RSBN1L: variants seen among roughly 807,000 people sequenced by gnomAD.
The protein encoded by RSBN1L is lysine-specific demethylase RSBN1L.
Under a neutral mutation model 67.7 loss-of-function variants are expected in RSBN1L, and 30 were observed. That is an observed-to-expected ratio of 0.44 (90% CI 0.33 to 0.60). RSBN1L has a LOEUF of 0.60. RSBN1L is among the 20% of genes least tolerant of loss of function. The pLI, the probability that RSBN1L is intolerant of heterozygous loss-of-function variation, is 0.02. For synonymous variants in RSBN1L, 433 were observed against 387.0 expected (o/e 1.12, Z -1.39); for missense variants, 992 against 1,031.7 (o/e 0.96, Z 0.53).
chr7:77,715,226 T>A (rs1446221007), intron 1 of RSBN1L, among the ~76,000 whole-genome samples: 1 of 152,136 alleles, frequency 6.6e-6, no homozygotes, highest in East Asian at 1.9e-4. Flanking sequence ...TAGCTGAGAT[T>A]GCACCACTGC....
chr7:77,745,438 AAATT>A (rs1791469627), intron 2 of RSBN1L, among the ~76,000 whole-genome samples: 1 of 152,250 alleles, frequency 6.6e-6, no homozygotes, highest in South Asian at 2.1e-4. Flanking sequence ...ATTTCACTCT[AAATT>A]AATATAAAGG....
intron 1 of RSBN1L, among the ~76,000 whole-genome samples, chr7:77,704,599 A>G (rs530804389): frequency 6.6e-6 from 1 of 152,166 alleles, no homozygotes; most frequent in Non-Finnish European, 1.5e-5. Flanking sequence ...AGCATTTTAA[A>G]GCATATTCCA....
intron 1 of RSBN1L, among the ~76,000 whole-genome samples, chr7:77,715,391 T>G (rs1173245584): frequency 6.6e-6 from 1 of 152,048 alleles, no homozygotes; most frequent in Admixed American, 6.6e-5. Context: ...AGTGTAGTGG[T>G]GTGATCTCGG....
At chr7:77,755,448 T>G (rs894168251) in intron 3 of RSBN1L, among the ~76,000 whole-genome samples, 1 of 152,156 alleles carries the variant, frequency 6.6e-6, no homozygotes, top group African/African-American at 2.4e-5. Context: ...TCGGATCACC[T>G]GAGGTCAGGA....
intron 5 of RSBN1L, among the ~76,000 whole-genome samples, chr7:77,769,094 A>G (rs1038840468): frequency 3.3e-5 from 5 of 152,234 alleles, no homozygotes; most frequent in Non-Finnish European, 7.3e-5. Context: ...TAAGAAGACT[A>G]AAATGTTTTG....
Position 77,736,432 on chromosome 7 carries a change from A to C in RSBN1L, c.609A>C (p.Lys203Asn). 1 of 1,096,144 alleles carries C rather than the reference A, an allele frequency of 9.1e-7. No homozygotes were observed. The highest frequency in any genetic ancestry group is 1.3e-6 in the Non-Finnish European group (1 of 783,140). The allele number at this position is 1,096,144 out of a possible 1,614,324, so 67.9% of individuals were successfully genotyped here. The stretch of plus-strand genomic sequence containing the variant: ...CAGATAAAATCAAAGACAAAATTAA[A>C]GAGAGAGACAAAGAAAAAGAAAGAG... ...LPRDKIKDKI[K>N]ERDKEKEREK... is the part of the protein sequence containing the mutation. The change falls in exon 2 of 8, where the codon AAA becomes AAC. Residue 203 changes from lysine to asparagine, a missense_variant. Physicochemically the swap from Lys to Asn is moderately conservative, Grantham distance 94. Coordinates refer to ENST00000334955, the MANE Select transcript of RSBN1L (RefSeq NM_198467.3).
intron 2 of RSBN1L, among the ~76,000 whole-genome samples, chr7:77,739,739 CTTTTTTTTTTTT>C (rs1173154183): frequency 4.9e-4 from 21 of 42,690 alleles, no homozygotes; most frequent in Admixed American, 1.9e-3. Flanking sequence ...AAAAATGTGT[CTTTTTTTTTTTT>C]TTTTTTTTTT....
intron 1 of RSBN1L, among the ~76,000 whole-genome samples, chr7:77,719,176 G>A (rs928383983): frequency 6.6e-6 from 1 of 152,118 alleles, no homozygotes; most frequent in Non-Finnish European, 1.5e-5. Flanking sequence ...TGTGTGTTTT[G>A]GAAAATTTCA....
At chr7:77,750,929 A>G (rs1562804945) in intron 3 of RSBN1L, among the ~76,000 whole-genome samples, 2 of 152,190 alleles carry the variant, frequency 1.3e-5, no homozygotes, top group Non-Finnish European at 2.9e-5. Flanking sequence ...ATTGTTTAAC[A>G]TTGTCAGCAG....
At chr7:77,722,871 A>G (rs1791138071) in intron 1 of RSBN1L, among the ~76,000 whole-genome samples, 1 of 152,034 alleles carries the variant, frequency 6.6e-6, no homozygotes, top group South Asian at 2.1e-4. Context: ...AGGGCAGGCA[A>G]AACTGTGATG....
rs1790724419 is a variant in RSBN1L at position 77,696,479 on chromosome 7, C to T, written c.10C>T (p.Pro4Ser). 1.2e-6 allele frequency: 2 copies of T among 1,606,160 alleles called. No homozygotes were observed. Among genetic ancestry groups the T allele is most frequent in the Non-Finnish European group, 1.7e-6 (2 of 1,175,726 alleles). ...ACAACAGGAGCGCAAAATGGCGGAACCGCCGAGCCCCGTGCACTGTGTCGC... is the reference window on the plus strand; with the variant it reads ...ACAACAGGAGCGCAAAATGGCGGAATCGCCGAGCCCCGTGCACTGTGTCGC... Reference protein sequence around the residue: MAEPPSPVHCVAAA... With the variant: MAESPSPVHCVAAA... The change falls in exon 1 of 8, where the codon CCG becomes TCG. Residue 4 changes from proline to serine, a missense_variant. Physicochemically the swap from Pro to Ser is moderately conservative, Grantham distance 74. This residue lies in a region of RSBN1L where 575 missense variants were observed against 483.2 expected (regional missense o/e 1.19). Coordinates refer to ENST00000334955, the MANE Select transcript of RSBN1L (RefSeq NM_198467.3).
At chr7:77,739,844 G>A (rs756974720) in intron 2 of RSBN1L, among the ~76,000 whole-genome samples, 4 of 131,414 alleles carry the variant, frequency 3.0e-5, no homozygotes, top group Admixed American at 8.7e-5. Flanking sequence ...CTGCCTCCTG[G>A]GTTCAAGCAG....
At chr7:77,714,219 A>G (rs1466580736) in intron 1 of RSBN1L, among the ~76,000 whole-genome samples, 1 of 152,228 alleles carries the variant, frequency 6.6e-6, no homozygotes, top group Non-Finnish European at 1.5e-5. Context: ...GCTTTTTGAA[A>G]CATTATTGAA....
chr7:77,762,381 G>A (rs781152431), intron 3 of RSBN1L, among the ~76,000 whole-genome samples: 5 of 151,908 alleles, frequency 3.3e-5, no homozygotes, highest in Non-Finnish European at 7.4e-5. Context: ...GGGAAAAATC[G>A]GTTTTTGATT....
At chr7:77,697,436 C>G (rs1365936167) in intron 1 of RSBN1L, 1 of 179,544 alleles carries the variant, frequency 5.6e-6, no homozygotes, top group Non-Finnish European at 1.2e-5. Context: ...TGTTAGACCA[C>G]TTAGACGTGG....
chr7:77,776,069 G>A (rs1005141105), intron 6 of RSBN1L, among the ~76,000 whole-genome samples: 2 of 151,142 alleles, frequency 1.3e-5, no homozygotes, highest in African/African-American at 4.9e-5. Context: ...AAAAAAAAGT[G>A]TATTTTGCTG....
chr7:77,753,761 T>C lies in RSBN1L; in HGVS notation c.1344+3697T>C, dbSNP rs144306681. On this transcript the variant is annotated intron_variant, in intron 3 of 7. Coordinates refer to ENST00000334955, the MANE Select transcript of RSBN1L (RefSeq NM_198467.3). ...GTTTTACCTTTCATGGTTAAATCTA[T>C]AGTTAATAAAACAGCAGCTAAAAGT... Among the ~76,000 whole-genome samples, 552 of 152,370 alleles carry C rather than the reference T, an allele frequency of 3.6e-3. 2 individuals are homozygous for C. The highest frequency in any genetic ancestry group is 3.7e-3 in the Non-Finnish European group (255 of 68,036).
At chr7:77,699,002 G>A (rs956683078) in intron 1 of RSBN1L, among the ~76,000 whole-genome samples, 3 of 151,816 alleles carry the variant, frequency 2.0e-5, no homozygotes, top group South Asian at 2.1e-4. Flanking sequence ...CTTAAATAGC[G>A]GTATTAACAA....
chr7:77,707,505 T>A (rs1392992090), intron 1 of RSBN1L, among the ~76,000 whole-genome samples: 2 of 152,212 alleles, frequency 1.3e-5, no homozygotes, highest in East Asian at 1.9e-4. Context: ...TAGCTTTTTT[T>A]ATAGAAGAGT....
Sources: gnomAD v4.1 joint callset for allele counts (sites outside exome capture counted in the v4.1 genomes callset) on GRCh38, gnomAD v4.1.1 for gene constraint, gnomAD v4.1.1 regional missense constraint, MANE v1.5 for transcripts, NCBI Gene and HGNC (gene_info 2026-07-23, HGNC 2026-07-21) for gene names.